The following MECOM variants were observed in gnomAD, a reference collection of about 807,000 sequenced individuals.
MECOM encodes MDS1 and EVI1 complex locus.
Under a neutral mutation model 116.3 loss-of-function variants are expected in MECOM, and 13 were observed. The observed-to-expected ratio is 0.11, with a 90% CI of 0.07 to 0.18. MECOM has a LOEUF of 0.18. MECOM is among the 10% of genes least tolerant of loss of function. The pLI is 1.00. For missense variants in MECOM, 1,299 were observed against 1,509.0 expected, an observed-to-expected ratio of 0.86 and a Z score of 2.31; for synonymous variants, 528 against 535.2, an observed-to-expected ratio of 0.99 and a Z score of 0.19.
intron 2 of MECOM, among the ~76,000 whole-genome samples, chr3:169,350,759 T>A (rs957462197): frequency 6.6e-6 from 1 of 151,868 alleles, no homozygotes; most frequent in Non-Finnish European, 1.5e-5. Context: ...TATATCTCTA[T>A]CGGATGGTAA....
intron 2 of MECOM, among the ~76,000 whole-genome samples, chr3:169,276,552 C>CAAAA (rs58452538): frequency 4.2e-5 from 2 of 47,770 alleles, no homozygotes; most frequent in African/African-American, 7.3e-5. Flanking sequence ...GACTCTGCCT[C>CAAAA]AAAAAAAAAA....
intron 2 of MECOM, among the ~76,000 whole-genome samples, chr3:169,341,627 C>T (rs779701251): frequency 6.6e-6 from 1 of 151,284 alleles, no homozygotes; most frequent in African/African-American, 2.4e-5. Flanking sequence ...GTAGTCCCAG[C>T]TACTCAGGAG....
chr3:169,133,149 A>G (rs531851816), intron 3 of MECOM, among the ~76,000 whole-genome samples: 1 of 152,116 alleles, frequency 6.6e-6, no homozygotes, highest in South Asian at 2.1e-4. Context: ...TACCAAAACA[A>G]TAACACAACA....
chr3:169,255,675 C>G (rs935821184), intron 2 of MECOM, among the ~76,000 whole-genome samples: 2 of 152,124 alleles, frequency 1.3e-5, no homozygotes, highest in African/African-American at 4.8e-5. Context: ...GTGTTTGCAT[C>G]AAAATCTTGC....
At chr3:169,431,594 TC>T (rs1262704617) in intron 1 of MECOM, among the ~76,000 whole-genome samples, 1 of 152,194 alleles carries the variant, frequency 6.6e-6, no homozygotes, top group Admixed American at 6.5e-5. Flanking sequence ...CCTGATGGAT[TC>T]CCTGATTTAC....
intron 1 of MECOM, among the ~76,000 whole-genome samples, chr3:169,428,718 AT>A (rs1741131881): frequency 6.6e-6 from 1 of 152,162 alleles, no homozygotes; most frequent in Non-Finnish European, 1.5e-5. Flanking sequence ...ACCTCAAATT[AT>A]TTTTTGTAAA....
intron 2 of MECOM, among the ~76,000 whole-genome samples, chr3:169,264,853 T>C (rs970224649): frequency 6.6e-6 from 1 of 152,196 alleles, no homozygotes; most frequent in Admixed American, 6.5e-5. Flanking sequence ...AGCAGTCCTT[T>C]CCACAAACTG....
In MECOM at chr3:169,208,136, A is replaced by C. The variant is rs951655364; in HGVS notation, c.376-64304T>G. On this transcript the variant is annotated intron_variant, in intron 2 of 16. Transcript: ENST00000651503. Reference sequence around the variant, plus strand: ...GGCAACGAGTCTGAGATTCATGTCTAAATCTATTCCAAAGCTCTTGACCTT... The same window carrying C: ...GGCAACGAGTCTGAGATTCATGTCTCAATCTATTCCAAAGCTCTTGACCTT... 4.0e-5 allele frequency among the ~76,000 whole-genome samples: 6 copies of C among 151,898 alleles called. 1 individual carries two copies. The highest frequency in any genetic ancestry group is 1.4e-4 in the African/African-American group (6 of 41,380).
chr3:169,464,782 C>T (rs758687336), intron 1 of MECOM, among the ~76,000 whole-genome samples: 1 of 151,994 alleles, frequency 6.6e-6, no homozygotes, highest in Non-Finnish European at 1.5e-5. Context: ...GCAACTCCAC[C>T]ATTGTTCATG....
intron 1 of MECOM, among the ~76,000 whole-genome samples, chr3:169,574,093 T>G (rs1037038429): frequency 1.3e-5 from 2 of 152,192 alleles, no homozygotes; most frequent in Non-Finnish European, 2.9e-5. Context: ...TAATTTTGGC[T>G]TAGGCCTCAG....
At position 169,191,737 on chromosome 3, in the gene MECOM, AAAGAG is replaced by A. The variant is rs1351882877; in HGVS notation, c.376-47910_376-47906del. On this transcript the variant is annotated intron_variant, in intron 2 of 16. Transcript: ENST00000651503. ...GAAAGAAAAAAAGAAAGAAAGAAAG[AAAGAG>A]AAAGAAAGAAAGAAAGAAAGAAAGA... 1.4e-3 allele frequency among the ~76,000 whole-genome samples: 47 copies of A among 32,866 alleles called. 1 individual carries two copies. The highest frequency in any genetic ancestry group is 7.1e-4 in the Non-Finnish European group (8 of 11,280). 21.6% of individuals were successfully genotyped at this position (32,866 alleles called of 152,430 possible).
At chr3:169,111,625 C>T (rs1178892547) in intron 9 of MECOM, among the ~76,000 whole-genome samples, 1 of 151,996 alleles carries the variant, frequency 6.6e-6, no homozygotes, top group Non-Finnish European at 1.5e-5. Flanking sequence ...AAAATTAATA[C>T]TAACTGGAAT....
chr3:169,475,713 G>T (rs1287349739), intron 1 of MECOM, among the ~76,000 whole-genome samples: 1 of 151,642 alleles, frequency 6.6e-6, no homozygotes, highest in Non-Finnish European at 1.5e-5. Context: ...CCTTTCCATA[G>T]TCTTTGTAAA....
chr3:169,614,524 A>G (rs900534489), intron 1 of MECOM, among the ~76,000 whole-genome samples: 1 of 152,162 alleles, frequency 6.6e-6, no homozygotes, highest in Non-Finnish European at 1.5e-5. Flanking sequence ...CAAATGTCGG[A>G]TTCCTTTGAA....
intron 2 of MECOM, among the ~76,000 whole-genome samples, chr3:169,332,296 C>A (rs887587440): frequency 6.6e-6 from 1 of 151,978 alleles, no homozygotes; most frequent in Non-Finnish European, 1.5e-5. Context: ...CCTTGCCCTT[C>A]GAAGGCTTAT....
At chr3:169,147,830 A>T in intron 2 of MECOM, 1 of 217,078 alleles carries the variant, frequency 4.6e-6, no homozygotes, top group Non-Finnish European at 5.4e-6. Context: ...CAGGGGTGTG[A>T]GGGTGTGTGC....
chr3:169,374,172 C>T (rs1192586504), intron 2 of MECOM, among the ~76,000 whole-genome samples: 2 of 151,912 alleles, frequency 1.3e-5, no homozygotes, highest in East Asian at 1.9e-4. Context: ...TGCCCCAACC[C>T]TCTCTCTGCT....
chr3:169,531,156 T>C (rs1450084083), intron 1 of MECOM, among the ~76,000 whole-genome samples: 3 of 152,180 alleles, frequency 2.0e-5, no homozygotes, highest in Non-Finnish European at 4.4e-5. Flanking sequence ...CTGACAGCTC[T>C]TCACCAGTTC....
At chr3:169,272,420 G>A (rs370612070) in intron 2 of MECOM, among the ~76,000 whole-genome samples, 2 of 152,178 alleles carry the variant, frequency 1.3e-5, no homozygotes, top group African/African-American at 2.4e-5. Flanking sequence ...ACTGGTTAGT[G>A]AGACAAACTC....
Sources: gnomAD v4.1 joint callset for allele counts (sites outside exome capture counted in the v4.1 genomes callset) on GRCh38, gnomAD v4.1.1 for gene constraint, MANE v1.5 for transcripts, NCBI Gene and HGNC (gene_info 2026-07-23, HGNC 2026-07-21) for gene names.